The following ARMH1 variants were observed in gnomAD, a reference collection of about 807,000 sequenced individuals.
ARMH1 encodes armadillo-like helical domain containing protein 1.
In ARMH1, 34 loss-of-function variants were observed where a neutral mutation model predicts 50.2. The observed-to-expected ratio is 0.68, with a 90% CI of 0.51 to 0.90. The LOEUF (loss-of-function observed/expected upper bound fraction) is 0.90. ARMH1 is among the 40% of genes least tolerant of loss of function. ARMH1 has a pLI of 0.00. For synonymous variants in ARMH1, 221 were observed against 224.2 expected (o/e 0.99, Z 0.13); for missense variants, 538 against 553.9 (o/e 0.97, Z 0.29).
rs9429055 is a variant in ARMH1, at chr1:44,714,256, C to T, written c.725-9866C>T. On this transcript the variant is annotated intron_variant, in intron 6 of 11. Coordinates refer to ENST00000535358, the MANE Select transcript of ARMH1 (RefSeq NM_001145636.2). ...CTGCACTCCAGCCTGGGTGACAGAG[C>T]GAGACTCCGTCTCAAAAAAAAGAAA... is the stretch of plus-strand genomic sequence containing the variant. 0.032 allele frequency among the ~76,000 whole-genome samples: 4,503 copies of T among 139,114 alleles called. 693 individuals are homozygous for T. The East Asian group carries it at 0.48, about 15-fold the overall frequency. The allele number at this position is 139,114 out of a possible 152,430, so 91.3% of individuals were successfully genotyped here. A position where few individuals can be genotyped will look rare whatever the true frequency, so the allele number is the denominator to read the frequency against.
chr1:44,719,001 G>C (rs1646967577), intron 6 of ARMH1, among the ~76,000 whole-genome samples: 1 of 140,942 alleles, frequency 7.1e-6, no homozygotes, highest in Non-Finnish European at 1.5e-5. Context: ...CTCCAGCCTG[G>C]GCAACAAGAG....
chr1:44,713,767 C>G (rs1646723044), intron 6 of ARMH1, among the ~76,000 whole-genome samples: 2 of 152,100 alleles, frequency 1.3e-5, no homozygotes, highest in African/African-American at 4.8e-5. Flanking sequence ...TGACTCGAGT[C>G]TCAGGGATAG....
Position 44,681,017 on chromosome 1 carries a change from C to T in ARMH1, c.-23+6144C>T, listed in dbSNP as rs1465791380. Reference sequence around the variant, plus strand: ...TCCCCTTTTTTTTTTTTTTTTGAGACGGAGTCTCGCTCTGTCACCCAGGCT... The same window carrying T: ...TCCCCTTTTTTTTTTTTTTTTGAGATGGAGTCTCGCTCTGTCACCCAGGCT... On this transcript the variant is annotated intron_variant, in intron 1 of 11. Transcript: ENST00000535358. This position sits in a 1 kb window ranked among gnomAD's most constrained non-coding sequence, Gnocchi z 4.3. Among the ~76,000 whole-genome samples, 3 of 140,600 alleles carry T rather than the reference C, an allele frequency of 2.1e-5. No homozygotes were observed. Among genetic ancestry groups the T allele is most frequent in the African/African-American group, 8.5e-5 (3 of 35,434 alleles). The allele number at this position is 140,600 out of a possible 152,430, so 92.2% of individuals were successfully genotyped here. A position where few individuals can be genotyped will look rare whatever the true frequency, so the allele number is the denominator to read the frequency against.
intron 6 of ARMH1, among the ~76,000 whole-genome samples, chr1:44,717,889 C>G (rs1308767447): frequency 6.6e-6 from 1 of 152,208 alleles, no homozygotes; most frequent in African/African-American, 2.4e-5. Flanking sequence ...GGCTGTGGTT[C>G]CTGTGAAGAC....
Position 44,724,574 on chromosome 1 carries a change from A to T in ARMH1, c.956A>T (p.Glu319Val). Reference sequence around the variant, plus strand: ...CGCAACGACATGAGCATCGCCGAGGAGCTGCTGTACCTGCGCGTGGTGCGT... The same window carrying T: ...CGCAACGACATGAGCATCGCCGAGGTGCTGCTGTACCTGCGCGTGGTGCGT... ...LARNDMSIAE[E>V]LLYLRVVRGL... The change falls in exon 9 of 12, where the codon GAG (glutamate) becomes GTG (valine). Residue 319 changes from glutamate to valine, a missense_variant. Physicochemically the swap from Glu to Val is moderately radical, Grantham distance 121. Transcript: ENST00000535358. This position sits in a 1 kb window ranked among gnomAD's most constrained non-coding sequence, Gnocchi z 6.4. The T allele has an allele frequency of 6.6e-7, 1 of 1,516,882 alleles. No individual in the cohort carries two copies. The allele number at this position is 1,516,882 out of a possible 1,614,324, so 94.0% of individuals were successfully genotyped here. A position where few individuals can be genotyped will look rare whatever the true frequency, so the allele number is the denominator to read the frequency against.
At position 44,689,904 on chromosome 1, in the gene ARMH1, G is replaced by C. The variant is rs761747899; in HGVS notation, c.206+1G>C. The C allele has an allele frequency of 1.3e-6, 2 of 1,548,796 alleles. No homozygotes were observed. Among genetic ancestry groups the C allele is most frequent in the Non-Finnish European group, 1.7e-6 (2 of 1,146,382 alleles). Reference sequence around the variant, plus strand: ...GCTTGACCACCTCGCTTAGAATCACGTATCCTTTACTGAACAGAAAAAAAA... The same window carrying C: ...GCTTGACCACCTCGCTTAGAATCACCTATCCTTTACTGAACAGAAAAAAAA... On this transcript the variant is annotated splice_donor_variant, in intron 2 of 11. Transcript: ENST00000535358. LOFTEE classifies it high-confidence loss of function.
At chr1:44,699,939 C>T (rs1168620773) in intron 4 of ARMH1, among the ~76,000 whole-genome samples, 1 of 151,814 alleles carries the variant, frequency 6.6e-6, no homozygotes, top group African/African-American at 2.4e-5. Context: ...AAGCGATTCT[C>T]CTGCCTCAGC....
rs564199273 is a variant in ARMH1 at position 44,686,895 on chromosome 1, C to T, written c.-22-2781C>T. Among the ~76,000 whole-genome samples, 18 of 149,990 alleles carry T rather than the reference C, an allele frequency of 1.2e-4. No individual in the cohort carries two copies. In the South Asian group the frequency reaches 1.9e-3, roughly 16 times the overall value. On this transcript the variant is annotated intron_variant, in intron 1 of 11. Coordinates refer to ENST00000535358, the MANE Select transcript of ARMH1 (RefSeq NM_001145636.2). ...GTTTAAGGCTGCAGTTTACTATGATCGTACCTGTGAATAGCCACTGCACTG... is the reference window on the plus strand; with the variant it reads ...GTTTAAGGCTGCAGTTTACTATGATTGTACCTGTGAATAGCCACTGCACTG...
intron 1 of ARMH1, among the ~76,000 whole-genome samples, chr1:44,687,984 G>A (rs896152161): frequency 6.6e-6 from 1 of 152,108 alleles, no homozygotes; most frequent in Non-Finnish European, 1.5e-5. Flanking sequence ...AAGGGCACAC[G>A]GTGCTTTCCT....
rs1313371085 is a variant in ARMH1 at position 44,689,919 on chromosome 1, CA to C, written c.206+17del. The C allele has an allele frequency of 6.5e-7, 1 of 1,530,192 alleles. No homozygotes were observed. The highest frequency in any genetic ancestry group is 1.4e-5 in the African/African-American group (1 of 71,176). 94.8% of individuals were successfully genotyped at this position (1,530,192 alleles called of 1,614,324 possible). A position where few individuals can be genotyped will look rare whatever the true frequency, so the allele number is the denominator to read the frequency against. ...TTAGAATCACGTATCCTTTACTGAA[CA>C]GAAAAAAAAAAATTAGGCACCGGGC... is the stretch of plus-strand genomic sequence containing the variant. On this transcript the variant is annotated intron_variant, in intron 2 of 11. Transcript: ENST00000535358.
rs1024159986 is a variant in ARMH1, at chr1:44,724,524, G to A, written c.921-15G>A. The A allele has an allele frequency of 6.6e-6, 10 of 1,505,058 alleles. No homozygotes were observed. In the African/African-American group the frequency reaches 1.2e-4, roughly 17 times the overall value. The allele number at this position is 1,505,058 out of a possible 1,614,324, so 93.2% of individuals were successfully genotyped here. ...GAGCCCCAGGGCGTCGCCCCAGCCC[G>A]AACCCCCGGCCCAGGGTCCTGGCGC... On this transcript the variant is annotated splice_polypyrimidine_tract_variant and intron_variant, in intron 8 of 11. Coordinates refer to ENST00000535358, the MANE Select transcript of ARMH1 (RefSeq NM_001145636.2). The surrounding 1 kb of genome is among the most constrained non-coding windows in gnomAD (Gnocchi z 6.4).
At chr1:44,674,927 C>T (rs1042237221) in intron 1 of ARMH1, 54 bp downstream of exon 1, 3 of 151,386 alleles carry the variant, frequency 2.0e-5, no homozygotes, top group African/African-American at 7.4e-5. Flanking sequence ...AACCTCCACC[C>T]AGTGGGGTTG....
intron 6 of ARMH1, among the ~76,000 whole-genome samples, chr1:44,714,671 T>C (rs1646773385): frequency 1.3e-5 from 2 of 152,066 alleles, no homozygotes; most frequent in Admixed American, 6.6e-5. Flanking sequence ...GACACTGGTC[T>C]CTTCCTTTTT....
chr1:44,723,434 C>A (rs866476932), intron 6 of ARMH1, among the ~76,000 whole-genome samples: 19 of 152,294 alleles, frequency 1.2e-4, no homozygotes, highest in Middle Eastern at 3.4e-3. Context: ...TACAGGAAAG[C>A]CCTGCAGGAA....
At chr1:44,704,061 C>T (rs752191705) in intron 5 of ARMH1, 28 bp from the exon 6 acceptor site, 136 of 1,523,124 alleles carry the variant, frequency 8.9e-5, no homozygotes, top group East Asian at 1.2e-4. Flanking sequence ...AAAGACTAAC[C>T]ACCTTGTCCT....
intron 6 of ARMH1, among the ~76,000 whole-genome samples, chr1:44,708,583 T>C (rs568494331): frequency 5.1e-4 from 77 of 152,242 alleles, no homozygotes; most frequent in African/African-American, 1.8e-3. Context: ...TGGGAGGTTA[T>C]TGGCATCCTT....
chr1:44,706,939 A>C (rs1024587394), intron 6 of ARMH1, among the ~76,000 whole-genome samples: 2 of 151,810 alleles, frequency 1.3e-5, no homozygotes, highest in African/African-American at 4.8e-5. Flanking sequence ...TCCTCTCCCC[A>C]CCTCACCTCT....
At chr1:44,696,113 GTGGGCTGCTGCC>G (rs1299988012) in intron 2 of ARMH1, among the ~76,000 whole-genome samples, 1 of 152,226 alleles carries the variant, frequency 6.6e-6, no homozygotes, top group African/African-American at 2.4e-5. Flanking sequence ...AGACCACCGT[GTGGGCTGCTGCC>G]TGGCCCCAAC....
At position 44,709,479 on chromosome 1, in the gene ARMH1, TG is replaced by T. The variant is rs778523743; in HGVS notation, c.724+5308del. ...CGAGGTCAGGAGATCGAGACCATCCTGGCTAACACGGTGAAACCCCATCTCT... is the reference window on the plus strand; with the variant it reads ...CGAGGTCAGGAGATCGAGACCATCCTGCTAACACGGTGAAACCCCATCTCT... On this transcript the variant is annotated intron_variant, in intron 6 of 11. Coordinates refer to ENST00000535358, the MANE Select transcript of ARMH1 (RefSeq NM_001145636.2). Among the ~76,000 whole-genome samples the T allele has an allele frequency of 3.9e-5, 6 of 152,264 alleles. No individual in the cohort carries two copies. The East Asian group carries it at 5.8e-4, about 15-fold the overall frequency.
Sources: gnomAD v4.1 joint callset for allele counts (sites outside exome capture counted in the v4.1 genomes callset) on GRCh38, gnomAD v4.1.1 for gene constraint, Gnocchi (gnomAD v3.1) non-coding constraint, MANE v1.5 for transcripts, NCBI Gene and HGNC (gene_info 2026-07-23, HGNC 2026-07-21) for gene names.